The following TRAPPC9 variants were observed in gnomAD, a reference collection of about 807,000 sequenced individuals.
The protein encoded by TRAPPC9 is trafficking protein particle complex subunit 9.
In TRAPPC9, 83 loss-of-function variants were observed where a neutral mutation model predicts 124.0. That is an observed-to-expected ratio of 0.67 (90% CI 0.56 to 0.80). TRAPPC9 has a LOEUF of 0.80. TRAPPC9 is among the 30% of genes least tolerant of loss of function. TRAPPC9 has a pLI of 0.00. For synonymous variants in TRAPPC9, 638 were observed against 617.5 expected, an observed-to-expected ratio of 1.03 and a Z score of -0.49; for missense variants, 1,302 against 1,508.3, an observed-to-expected ratio of 0.86 and a Z score of 2.27.
chr8:139,943,047 T>C (rs928016666), intron 19 of TRAPPC9, among the ~76,000 whole-genome samples: 3 of 152,230 alleles, frequency 2.0e-5, no homozygotes, highest in African/African-American at 7.2e-5. Flanking sequence ...AGATTCGAGA[T>C]GTCCAAGAGG....
At chr8:139,897,250 C>T (rs545004839) in intron 20 of TRAPPC9, among the ~76,000 whole-genome samples, 73 of 152,270 alleles carry the variant, frequency 4.8e-4, no homozygotes, top group African/African-American at 1.5e-3. Flanking sequence ...GCTCACATGC[C>T]CTGCTGGTCA....
chr8:140,108,673 GTTTT>G (rs1177744366), intron 17 of TRAPPC9, among the ~76,000 whole-genome samples: 1 of 152,178 alleles, frequency 6.6e-6, no homozygotes, highest in Non-Finnish European at 1.5e-5. Flanking sequence ...TTCTGATGGT[GTTTT>G]TTGTTGGGTT....
At chr8:140,458,186 A>T, upstream of TRAPPC9, 1 of 1,546,702 alleles carries the variant, frequency 6.5e-7, no homozygotes, top group Non-Finnish European at 8.7e-7. Flanking sequence ...GGAGGGAGGG[A>T]GGGACCGGAG....
At chr8:140,021,868 G>T (rs1839854829) in intron 18 of TRAPPC9, among the ~76,000 whole-genome samples, 1 of 152,202 alleles carries the variant, frequency 6.6e-6, no homozygotes, top group South Asian at 2.1e-4. Context: ...TTTTCCAAAA[G>T]GTTGAATAAA....
chr8:139,998,120 A>T (rs561917666), intron 18 of TRAPPC9, among the ~76,000 whole-genome samples: 1 of 152,396 alleles, frequency 6.6e-6, no homozygotes, highest in African/African-American at 2.4e-5. Flanking sequence ...AAGTCTGAAG[A>T]ATCCTCATAA....
intron 14 of TRAPPC9, among the ~76,000 whole-genome samples, chr8:140,282,198 C>T (rs10102767): frequency 0.039 from 5,976 of 152,122 alleles, 213 homozygotes; most frequent in African/African-American, 0.099. Context: ...AAGTGTTATT[C>T]GTAAGTGCAA....
At chr8:140,283,087 A>C (rs1408801570) in intron 14 of TRAPPC9, among the ~76,000 whole-genome samples, 1 of 151,526 alleles carries the variant, frequency 6.6e-6, no homozygotes, top group African/African-American at 2.4e-5. Flanking sequence ...AAAATACAAA[A>C]ATTGGCCAGG....
chr8:139,994,212 G>C (rs1837824322), intron 18 of TRAPPC9, among the ~76,000 whole-genome samples: 1 of 152,252 alleles, frequency 6.6e-6, no homozygotes, highest in African/African-American at 2.4e-5. Flanking sequence ...GGCAGCAGAG[G>C]AGAAGGTGAT....
intron 17 of TRAPPC9, among the ~76,000 whole-genome samples, chr8:140,091,751 C>T (rs1844578612): frequency 6.6e-6 from 1 of 152,158 alleles, no homozygotes; most frequent in Admixed American, 6.5e-5. Context: ...ATCTGCTGTC[C>T]CGCCTGCTGC....
chr8:140,051,599 T>TTG (rs869138173), intron 17 of TRAPPC9, among the ~76,000 whole-genome samples: 4 of 144,134 alleles, frequency 2.8e-5, no homozygotes, highest in African/African-American at 1.0e-4. Flanking sequence ...TTTTTTTTTT[T>TTG]GCCTTTGAGA....
rs187684601 is a variant in TRAPPC9 at position 139,966,880 on chromosome 8, A to G, written c.2810+21846T>C. 2.9e-3 allele frequency among the ~76,000 whole-genome samples: 438 copies of G among 152,348 alleles called. 2 individuals are homozygous for G. The highest frequency in any genetic ancestry group is 3.7e-3 in the African/African-American group (152 of 41,584). Reference sequence around the variant, plus strand: ...CGGTTTAGCACAAACTGGGTGCTCCATGAAAGTCTTTGGAATGAAAATAGA... The same window carrying G: ...CGGTTTAGCACAAACTGGGTGCTCCGTGAAAGTCTTTGGAATGAAAATAGA... On this transcript the variant is annotated intron_variant, in intron 19 of 22. Transcript: ENST00000438773.
intron 7 of TRAPPC9, among the ~76,000 whole-genome samples, chr8:140,383,617 A>C (rs1405498465): frequency 6.6e-6 from 1 of 152,230 alleles, no homozygotes; most frequent in African/African-American, 2.4e-5. Flanking sequence ...TAGAGAAAAA[A>C]GAATAAAAAG....
Position 140,353,956 on chromosome 8 carries a change from G to C in TRAPPC9, c.1495+6094C>G, listed in dbSNP as rs1023182211. 3.3e-5 allele frequency among the ~76,000 whole-genome samples: 5 copies of C among 152,226 alleles called. No individual in the cohort carries two copies. The highest frequency in any genetic ancestry group is 6.5e-5 in the Admixed American group (1 of 15,288). On this transcript the variant is annotated intron_variant, in intron 9 of 22. Coordinates refer to ENST00000438773, the MANE Select transcript of TRAPPC9 (RefSeq NM_001160372.4). The surrounding 1 kb of genome is among the most constrained non-coding windows in gnomAD (Gnocchi z 4.2). ...GGAAGCTCTGACAGCGGCAGGCACA[G>C]GGCACGGGGAGCTCCCAGAGGGGGC...
intron 19 of TRAPPC9, among the ~76,000 whole-genome samples, chr8:139,960,319 A>T (rs1303262852): frequency 6.6e-6 from 1 of 152,066 alleles, no homozygotes; most frequent in Non-Finnish European, 1.5e-5. Context: ...AAGCCTTTAC[A>T]AAAGAACAAA....
intron 21 of TRAPPC9, among the ~76,000 whole-genome samples, chr8:139,818,686 G>A (rs547141077): frequency 6.6e-6 from 1 of 152,316 alleles, no homozygotes; most frequent in South Asian, 2.1e-4. Context: ...CCAATTTCTA[G>A]GGTGTAAATA....
chr8:140,348,821 G>A (rs1339113814), intron 9 of TRAPPC9, among the ~76,000 whole-genome samples: 1 of 152,078 alleles, frequency 6.6e-6, no homozygotes, highest in African/African-American at 2.4e-5. Flanking sequence ...AGGCCGAGGG[G>A]AATCACCAGA....
At chr8:140,096,911 AGT>A (rs947225180) in intron 17 of TRAPPC9, 1 of 152,360 alleles carries the variant, frequency 6.6e-6, no homozygotes, top group African/African-American at 2.4e-5. Flanking sequence ...TATGCTGAGA[AGT>A]CAAGAAGAAT....
At chr8:140,368,032 T>G (rs1347044292) in intron 8 of TRAPPC9, among the ~76,000 whole-genome samples, 3 of 152,222 alleles carry the variant, frequency 2.0e-5, no homozygotes, top group Non-Finnish European at 4.4e-5. Flanking sequence ...TCCATCTTTG[T>G]GTATGACCTC....
At chr8:140,397,842 G>A in intron 6 of TRAPPC9, 97 bp from the exon 7 acceptor site, 1 of 1,512,626 alleles carries the variant, frequency 6.6e-7, no homozygotes, top group South Asian at 1.1e-5. Flanking sequence ...AACTACAACA[G>A]CACTTCCCCC....
Sources: gnomAD v4.1 joint callset for allele counts (sites outside exome capture counted in the v4.1 genomes callset) on GRCh38, gnomAD v4.1.1 for gene constraint, Gnocchi (gnomAD v3.1) non-coding constraint, MANE v1.5 for transcripts, NCBI Gene and HGNC (gene_info 2026-07-23, HGNC 2026-07-21) for gene names.